The following FAS variants were observed in gnomAD, a reference collection of about 807,000 sequenced individuals.
FAS encodes Fas cell surface death receptor, also known as tumor necrosis factor receptor superfamily member 6.
A neutral mutation model predicts 33.2 loss-of-function variants in FAS; 5 were observed. The ratio of observed to expected loss-of-function variants is 0.15; its 90% CI spans 0.08 to 0.32. FAS has a LOEUF of 0.32. Ranked by LOEUF, FAS falls within the 10% of genes least tolerant of loss-of-function variation. The pLI is 1.00. For missense variants in FAS, 339 were observed against 386.0 expected, an observed-to-expected ratio of 0.88 and a Z score of 1.02; for synonymous variants, 131 against 130.7, an observed-to-expected ratio of 1.00 and a Z score of -0.01.
Position 88,971,948 on chromosome 10 carries a change from C to T in FAS, n.95-1234C>T, listed in dbSNP as rs545564819. Among the ~76,000 whole-genome samples the T allele has an allele frequency of 3.5e-4, 53 of 150,492 alleles. No homozygotes were observed. The South Asian group carries it at 0.01, about 29-fold the overall frequency. On this transcript the variant is annotated intron_variant and non_coding_transcript_variant, in intron 1 of 3. Transcript: ENST00000688239. ...TTTTTTAGATGGAGTCTTGCTCTGT[C>T]GCCAGGCTGGAGTGCAGAGGCGTGA...
chr10:89,004,158 T>G (rs188340276), intron 2 of FAS, among the ~76,000 whole-genome samples: 9 of 152,326 alleles, frequency 5.9e-5, no homozygotes, highest in Non-Finnish European at 1.0e-4. Context: ...AATTGAAATC[T>G]TTGTTCATAA....
chr10:89,016,409 G>A lies in FAS; in HGVS notation c.*1959G>A, dbSNP rs1438862480. Reference sequence around the variant, plus strand: ...CTATTTCTAGACAGAAGTAGGGCAAGTTAGGTACTAGTTATTCTTCATGGC... The same window carrying A: ...CTATTTCTAGACAGAAGTAGGGCAAATTAGGTACTAGTTATTCTTCATGGC... On this transcript the variant is annotated 3_prime_UTR_variant, in exon 9 of 9. Transcript: ENST00000652046. 4 of 220,006 alleles carry A rather than the reference G, an allele frequency of 1.8e-5. No homozygotes were observed. The highest frequency in any genetic ancestry group is 1.8e-4 in the South Asian group (1 of 5,432). 13.6% of individuals were successfully genotyped at this position (220,006 alleles called of 1,614,324 possible). A position where few individuals can be genotyped will look rare whatever the true frequency, so the allele number is the denominator to read the frequency against.
At chr10:88,976,123 C>T (rs1846557331) in intron 2 of FAS, among the ~76,000 whole-genome samples, 1 of 152,124 alleles carries the variant, frequency 6.6e-6, no homozygotes, top group African/African-American at 2.4e-5. Context: ...AATCTTTTAG[C>T]TTCCCTGGGC....
At chr10:88,980,759 A>C (rs1048188826) in intron 2 of FAS, among the ~76,000 whole-genome samples, 7 of 152,254 alleles carry the variant, frequency 4.6e-5, no homozygotes, top group Non-Finnish European at 8.8e-5. Context: ...ATATAAAGTC[A>C]AGTACAGTTA....
Position 89,003,202 on chromosome 10 carries a change from A to G in FAS, c.196+8A>G, listed in dbSNP as rs755209902. 2 of 1,614,034 alleles carry G rather than the reference A, an allele frequency of 1.2e-6. No individual in the cohort carries two copies. Among genetic ancestry groups the G allele is most frequent in the East Asian group, 4.5e-5 (2 of 44,882 alleles). Reference sequence around the variant, plus strand: ...ATAAGCCCTGTCCTCCAGGTATGTTACACAAAACATCCAGAGATTACAGTG... The same window carrying G: ...ATAAGCCCTGTCCTCCAGGTATGTTGCACAAAACATCCAGAGATTACAGTG... On this transcript the variant is annotated splice_region_variant and intron_variant, in intron 2 of 8. Coordinates refer to ENST00000652046, the MANE Select transcript of FAS (RefSeq NM_000043.6).
chr10:88,970,998 G>T (rs1335850478), intron 1 of FAS, among the ~76,000 whole-genome samples: 1 of 151,934 alleles, frequency 6.6e-6, no homozygotes, highest in Admixed American at 6.6e-5. Flanking sequence ...CCGCCCAAAG[G>T]CAATAAATAA....
At position 89,007,821 on chromosome 10, in the gene FAS, G is replaced by A. The variant is rs770100045; in HGVS notation, c.318G>A (p.Leu106=). The A allele has an allele frequency of 1.2e-6, 2 of 1,613,856 alleles. No homozygotes were observed. Among genetic ancestry groups the A allele is most frequent in the East Asian group, 2.2e-5 (1 of 44,890 alleles). ...HFSSKCRRCR[L]CDEGHGLEVE... ...CTTCCAAATGCAGAAGATGTAGATT[G>A]TGTGATGAAGGACATGGTAAGAGTC... is the stretch of plus-strand genomic sequence containing the variant. Residue 106 remains leucine (L), a synonymous_variant, in exon 3 of 9, where the codon TTG becomes TTA. Transcript: ENST00000652046.
intron 2 of FAS, among the ~76,000 whole-genome samples, chr10:88,977,159 G>T (rs4522080): frequency 0.53 from 78,773 of 149,168 alleles, 22,195 homozygotes; most frequent in Non-Finnish European, 0.65. Flanking sequence ...CAGAAGCTCT[G>T]TAGTTTAATT....
intron 7 of FAS, among the ~76,000 whole-genome samples, chr10:89,012,515 G>T (rs9658767): frequency 0.17 from 25,634 of 151,872 alleles, 2,668 homozygotes; most frequent in East Asian, 0.44. Flanking sequence ...TGTGTTTGTG[G>T]GTGCATAGGT....
At chr10:89,012,659 C>A (rs1186152554) in intron 7 of FAS, 2 of 157,696 alleles carry the variant, frequency 1.3e-5, no homozygotes, top group Admixed American at 1.2e-4. Flanking sequence ...ACTTGGCCAA[C>A]CTCCATGTTC....
chr10:89,006,882 T>G (rs1848257755), intron 2 of FAS, among the ~76,000 whole-genome samples: 1 of 63,982 alleles, frequency 1.6e-5, no homozygotes, highest in African/African-American at 6.1e-5. Flanking sequence ...GTGACAAACT[T>G]TATTTTTAAG....
upstream of FAS, chr10:88,990,498 CT>C (rs747320973): frequency 3.5e-6 from 2 of 576,802 alleles, no homozygotes; most frequent in Non-Finnish European, 6.6e-6. The surrounding 1 kb of genome is among the most constrained non-coding windows in gnomAD (Gnocchi z 4.9). Flanking sequence ...GCAACGAACC[CT>C]GACTCCTTCC....
At chr10:88,997,839 T>C (rs1182144629) in intron 1 of FAS, among the ~76,000 whole-genome samples, 1 of 152,186 alleles carries the variant, frequency 6.6e-6, no homozygotes, top group Non-Finnish European at 1.5e-5. Context: ...TCCTCAGCAG[T>C]AGAGGGTGGT....
At chr10:89,008,813 C>G (rs1291887372) in intron 3 of FAS, 76 bp from the exon 4 acceptor site, 2 of 1,348,246 alleles carry the variant, frequency 1.5e-6, no homozygotes, top group Admixed American at 1.7e-5. Context: ...AAAATCCATG[C>G]AGCTCCTGCC....
upstream of FAS, among the ~76,000 whole-genome samples, chr10:88,982,715 G>A (rs1435324298): frequency 1.3e-5 from 2 of 152,060 alleles, no homozygotes; most frequent in African/African-American, 4.8e-5. Flanking sequence ...AGTAAGACTT[G>A]TTTCTGCTAA....
At chr10:89,008,137 C>T (rs959555040) in intron 3 of FAS, among the ~76,000 whole-genome samples, 3 of 152,088 alleles carry the variant, frequency 2.0e-5, no homozygotes, top group Admixed American at 6.5e-5. Flanking sequence ...CCTTGACTTA[C>T]GCTTATATAA....
chr10:88,998,747 A>G (rs1419610501), intron 1 of FAS, among the ~76,000 whole-genome samples: 1 of 152,196 alleles, frequency 6.6e-6, no homozygotes, highest in East Asian at 1.9e-4. Context: ...TAGGTCATCT[A>G]TAAAGTCCTT....
At chr10:88,982,444 T>C (rs1256513930), upstream of FAS, among the ~76,000 whole-genome samples, 2 of 151,588 alleles carry the variant, frequency 1.3e-5, no homozygotes, top group African/African-American at 4.8e-5. Context: ...TTTTTTGAAA[T>C]GAGGAAAGGA....
Position 89,016,267 on chromosome 10 carries a change from T to G in FAS, c.*1817T>G. ...TAGTTGTGCTTTGCTTAGGGTTCCC[T>G]CCTGTGTTATGGTCTGGAAAGTGTC... is the stretch of plus-strand genomic sequence containing the variant. On this transcript the variant is annotated 3_prime_UTR_variant, in exon 9 of 9. Transcript: ENST00000652046. The G allele has an allele frequency of 4.6e-6, 1 of 217,132 alleles. No homozygotes were observed. The allele number at this position is 217,132 out of a possible 1,614,324, so 13.5% of individuals were successfully genotyped here.
Sources: gnomAD v4.1 joint callset for allele counts (sites outside exome capture counted in the v4.1 genomes callset) on GRCh38, gnomAD v4.1.1 for gene constraint, Gnocchi (gnomAD v3.1) non-coding constraint, MANE v1.5 for transcripts, NCBI Gene and HGNC (gene_info 2026-07-23, HGNC 2026-07-21) for gene names.